Variants in ZSCAN5A observed in about 807,000 individuals in gnomAD.
The protein encoded by ZSCAN5A is zinc finger and SCAN domain containing 5A.
ZSCAN5A carries 12 observed loss-of-function variants against 23.7 expected under a neutral mutation model. That is an observed-to-expected ratio of 0.51 (90% confidence interval 0.32 to 0.82). The LOEUF is 0.82. Among genes scored for constraint, ZSCAN5A ranks in the 40% least tolerant of loss-of-function variants. The probability of loss-of-function intolerance (pLI) is 0.03; values close to 1 mark genes in which losing one functional copy is unlikely to be tolerated. For synonymous variants in ZSCAN5A, 257 were observed against 239.9 expected (o/e 1.07, Z -0.66); for missense variants, 597 against 617.9 (o/e 0.97, Z 0.36).
chr19:56,266,211 C>T (rs1436199287), intron 2 of ZSCAN5A: 1 of 152,192 alleles, frequency 6.6e-6, no homozygotes, highest in Non-Finnish European at 1.5e-5. Context: ...TTAAGCTTAA[C>T]TGCTGAGAGT....
chr19:56,295,931 C>G (rs2039842986), intron 2 of ZSCAN5A: 1 of 152,802 alleles, frequency 6.5e-6, no homozygotes, highest in African/African-American at 2.4e-5. Flanking sequence ...TTCCTGGACC[C>G]CATCTCCTTC....
chr19:56,329,337 A>G (rs2041468574), intron 2 of ZSCAN5A, among the ~76,000 whole-genome samples: 1 of 152,110 alleles, frequency 6.6e-6, no homozygotes, highest in Non-Finnish European at 1.5e-5. Context: ...TGACAGAGCC[A>G]GGCTCTGTCT....
Position 56,352,598 on chromosome 19 carries a change from T to A in ZSCAN5A, c.-358+10637A>T, listed in dbSNP as rs534494527. Among the ~76,000 whole-genome samples, 2 of 152,378 alleles carry A rather than the reference T, an allele frequency of 1.3e-5. No individual in the cohort carries two copies. The highest frequency in any genetic ancestry group is 4.1e-4 in the South Asian group (2 of 4,828). ...GACCCAACTCTGAATATAGCAATGA[T>A]AGTTGGTTTTTTGTAGACAATTATC... On this transcript the variant is annotated intron_variant, in intron 2 of 6. Coordinates refer to the ZSCAN5A transcript ENST00000587340. The surrounding 1 kb of genome is among the most constrained non-coding windows in gnomAD (Gnocchi z 4.2).
At chr19:56,331,578 CTTTTTTTTT>C (rs68085541) in intron 2 of ZSCAN5A, among the ~76,000 whole-genome samples, 1 of 48,964 alleles carries the variant, frequency 2.0e-5, no homozygotes, top group East Asian at 7.4e-4. Context: ...GAATTGCATT[CTTTTTTTTT>C]TTTTTTTTTT....
At chr19:56,327,033 C>T (rs1354834312) in intron 2 of ZSCAN5A, among the ~76,000 whole-genome samples, 2 of 151,612 alleles carry the variant, frequency 1.3e-5, no homozygotes, top group Non-Finnish European at 2.9e-5. Flanking sequence ...TCATGTGACA[C>T]TTACATGAAT....
intron 2 of ZSCAN5A, among the ~76,000 whole-genome samples, chr19:56,337,608 C>A (rs1212351909): frequency 6.6e-6 from 1 of 152,198 alleles, no homozygotes; most frequent in Non-Finnish European, 1.5e-5. Context: ...CACCCACTGT[C>A]CGGCACTCCC....
At chr19:56,223,113 G>A (rs1441702033) in intron 4 of ZSCAN5A, among the ~76,000 whole-genome samples, 1 of 152,100 alleles carries the variant, frequency 6.6e-6, no homozygotes, top group African/African-American at 2.4e-5. Flanking sequence ...CACCCTGCTG[G>A]AGGGGGCGCT....
intron 2 of ZSCAN5A, among the ~76,000 whole-genome samples, chr19:56,331,786 C>T (rs1355396429): frequency 6.6e-6 from 1 of 151,666 alleles, no homozygotes; most frequent in Non-Finnish European, 1.5e-5. Context: ...GGGGTTTCGT[C>T]AGTTGGCCAG....
intron 2 of ZSCAN5A, among the ~76,000 whole-genome samples, chr19:56,290,868 A>G (rs1222404274): frequency 1.3e-5 from 2 of 151,922 alleles, no homozygotes; most frequent in Non-Finnish European, 2.9e-5. Context: ...TTCCTTTCCT[A>G]TGGGTCACTT....
At chr19:56,247,404 C>A in intron 2 of ZSCAN5A, 1 of 188,190 alleles carries the variant, frequency 5.3e-6, no homozygotes. Context: ...ATAAATGTCC[C>A]AAGTGTCTAA....
rs778155664 is a variant in ZSCAN5A at position 56,230,615 on chromosome 19, A to ATATGTGTGTGTGTG, written c.-127-5443_-127-5442insCACACACACACATA. Among the ~76,000 whole-genome samples the ATATGTGTGTGTGTG allele has an allele frequency of 2.3e-3, 334 of 147,684 alleles. 5 individuals are homozygous for ATATGTGTGTGTGTG. The East Asian group carries it at 0.04, about 18-fold the overall frequency. Reference sequence around the variant, plus strand: ...CATCTGGCTTTCTTTTTATTTCTTGATGTGTGTGTGTGTGTGTGTGTGTGT... The same window carrying ATATGTGTGTGTGTG: ...CATCTGGCTTTCTTTTTATTTCTTGATATGTGTGTGTGTGTGTGTGTGTGTGTGTGTGTGTGTGT... On this transcript the variant is annotated intron_variant, in intron 2 of 5. Transcript: ENST00000683990.
chr19:56,315,591 G>C (rs1354774375), upstream of ZSCAN5A: 1 of 152,246 alleles, frequency 6.6e-6, no homozygotes, highest in Non-Finnish European at 1.5e-5. Context: ...TGGGTTCTCA[G>C]CCAAGCTCTG....
chr19:56,243,306 C>G (rs1487718743), intron 2 of ZSCAN5A, among the ~76,000 whole-genome samples: 2 of 152,104 alleles, frequency 1.3e-5, no homozygotes, highest in East Asian at 3.9e-4. Flanking sequence ...GATGGTTGCA[C>G]AGCATGGTGC....
At chr19:56,302,337 CCCTTT>C (rs1258477203) in intron 2 of ZSCAN5A, among the ~76,000 whole-genome samples, 7 of 141,780 alleles carry the variant, frequency 4.9e-5, no homozygotes, top group East Asian at 4.9e-4. Flanking sequence ...CTTCCTCCTT[CCCTTT>C]CCTCTTCCTT....
At chr19:56,320,973 G>T in intron 2 of ZSCAN5A, 1 of 728,490 alleles carries the variant, frequency 1.4e-6, no homozygotes, top group South Asian at 1.4e-5. Flanking sequence ...GCAGCATTTA[G>T]GGTATCTTCG....
At chr19:56,321,644 T>C (rs2041377287) in intron 2 of ZSCAN5A, 2 of 932,220 alleles carry the variant, frequency 2.1e-6, no homozygotes, top group Admixed American at 3.4e-5. Context: ...TGCATCGTTA[T>C]GTCGTCCATC....
intron 2 of ZSCAN5A, among the ~76,000 whole-genome samples, chr19:56,337,561 C>T (rs1393117147): frequency 6.6e-6 from 1 of 152,228 alleles, no homozygotes; most frequent in Non-Finnish European, 1.5e-5. Context: ...CCTGCTTCAG[C>T]TCATGCACAG....
chr19:56,267,721 G>C (rs1272149656), intron 2 of ZSCAN5A, among the ~76,000 whole-genome samples: 1 of 152,156 alleles, frequency 6.6e-6, no homozygotes, highest in Non-Finnish European at 1.5e-5. Flanking sequence ...ATTCTGAGTG[G>C]ACCTTATGCT....
At chr19:56,267,127 G>T (rs879727587) in intron 2 of ZSCAN5A, among the ~76,000 whole-genome samples, 1 of 152,112 alleles carries the variant, frequency 6.6e-6, no homozygotes, top group Non-Finnish European at 1.5e-5. Context: ...GGTCTCTCCT[G>T]ACAACTCTAG....
Sources: allele counts gnomAD v4.1 joint callset (sites outside exome capture counted in the v4.1 genomes callset), GRCh38; gene constraint gnomAD v4.1.1; non-coding constraint Gnocchi (gnomAD v3.1); transcripts MANE v1.5; gene names NCBI Gene and HGNC (gene_info 2026-07-23, HGNC 2026-07-21).